LRMDA: variants seen among roughly 807,000 people sequenced by gnomAD.
LRMDA encodes leucine-rich melanocyte differentiation-associated protein.
In LRMDA, 18 loss-of-function variants were observed where a neutral mutation model predicts 29.8. That is an observed-to-expected ratio of 0.60 (90% CI 0.42 to 0.90). The LOEUF (loss-of-function observed/expected upper bound fraction) is 0.90. Among genes scored for constraint, LRMDA ranks in the 40% least tolerant of loss-of-function variants. The pLI, the probability that LRMDA is intolerant of heterozygous loss-of-function variation, is 0.00. For missense variants in LRMDA, 273 were observed against 273.9 expected (o/e 1.00, Z 0.02); for synonymous variants, 125 against 109.4 (o/e 1.14, Z -0.89).
intron 6 of LRMDA, among the ~76,000 whole-genome samples, chr10:76,408,224 A>G (rs1300614109): frequency 6.6e-6 from 1 of 152,176 alleles, no homozygotes; most frequent in Non-Finnish European, 1.5e-5. Flanking sequence ...GGATGAGGAC[A>G]CCAGCGCACA....
chr10:75,669,676 T>C (rs1418691493), intron 2 of LRMDA, among the ~76,000 whole-genome samples: 1 of 152,244 alleles, frequency 6.6e-6, no homozygotes, highest in Non-Finnish European at 1.5e-5. Context: ...AACAAAAGCA[T>C]TGCTATCTCT....
chr10:76,152,334 G>A lies in LRMDA; in HGVS notation c.516+93551G>A, dbSNP rs1165498886. The stretch of plus-strand genomic sequence containing the variant: ...AGTGTTTTCAAGGATGATTCTTATT[G>A]TATCATAAATCAGAACTTCCTTTCC... On this transcript the variant is annotated intron_variant, in intron 5 of 6. Coordinates refer to ENST00000611255, the MANE Select transcript of LRMDA (RefSeq NM_001305581.2). Among the ~76,000 whole-genome samples the A allele has an allele frequency of 1.3e-5, 2 of 152,054 alleles. 1 individual carries two copies. Among genetic ancestry groups the A allele is most frequent in the Admixed American group, 1.3e-4 (2 of 15,266 alleles).
intron 5 of LRMDA, among the ~76,000 whole-genome samples, chr10:76,187,939 G>A (rs1055562011): frequency 1.3e-5 from 2 of 152,052 alleles, no homozygotes; most frequent in Non-Finnish European, 2.9e-5. Context: ...TAGTTCCCAG[G>A]CACCTAGGCT....
intron 6 of LRMDA, among the ~76,000 whole-genome samples, chr10:76,504,667 C>A (rs929556136): frequency 2.6e-5 from 4 of 151,922 alleles, no homozygotes; most frequent in Admixed American, 2.6e-4. Context: ...CACGGTAGAT[C>A]CTGCTACTTT....
At chr10:76,116,924 G>A (rs1206128133) in intron 5 of LRMDA, among the ~76,000 whole-genome samples, 7 of 152,052 alleles carry the variant, frequency 4.6e-5, no homozygotes, top group Non-Finnish European at 1.0e-4. Context: ...ATTTTCCAGG[G>A]CTCTCTTGGG....
At chr10:76,259,709 G>A (rs1293348016) in intron 5 of LRMDA, among the ~76,000 whole-genome samples, 7 of 152,076 alleles carry the variant, frequency 4.6e-5, no homozygotes, top group Admixed American at 1.3e-4. Context: ...TCTCCCTTTA[G>A]ATCTAATAAT....
At chr10:75,482,083 G>T (rs2132053654) in intron 2 of LRMDA, among the ~76,000 whole-genome samples, 1 of 152,202 alleles carries the variant, frequency 6.6e-6, no homozygotes, top group South Asian at 2.1e-4. Flanking sequence ...CCCTGTATCT[G>T]TGCCCTTTGC....
At chr10:76,269,315 A>G (rs1840040449) in intron 5 of LRMDA, among the ~76,000 whole-genome samples, 1 of 152,046 alleles carries the variant, frequency 6.6e-6, no homozygotes, top group South Asian at 2.1e-4. Flanking sequence ...CTCATCCACC[A>G]CCTAATACTG....
intron 2 of LRMDA, among the ~76,000 whole-genome samples, chr10:75,505,069 G>A (rs533622957): frequency 2.0e-5 from 3 of 152,036 alleles, no homozygotes; most frequent in Non-Finnish European, 4.4e-5. Context: ...AGAGGAAGGA[G>A]TCCAGGATCA....
At chr10:76,290,198 C>T (rs1230377244) in intron 5 of LRMDA, among the ~76,000 whole-genome samples, 1 of 152,060 alleles carries the variant, frequency 6.6e-6, no homozygotes, top group Non-Finnish European at 1.5e-5. Context: ...CTTTAATGGG[C>T]CTTATCCTTC....
intron 3 of LRMDA, among the ~76,000 whole-genome samples, chr10:76,040,570 TTCTCTCTC>T (rs145651283): frequency 6.9e-6 from 1 of 145,720 alleles, no homozygotes; most frequent in South Asian, 2.2e-4. Flanking sequence ...CTCACACTCT[TTCTCTCTC>T]TCTCTCTCTC....
rs142464776 is a variant in LRMDA at position 76,193,098 on chromosome 10, TTTAG to T, written c.517-131298_517-131295del. ...GGACTAAGGCTAGGTTGCATAAATA[TTTAG>T]TTAGAGATATGAGCGTGTTTCTTGA... On this transcript the variant is annotated intron_variant, in intron 5 of 6. Transcript: ENST00000611255. Among the ~76,000 whole-genome samples, 222 of 152,270 alleles carry T rather than the reference TTTAG, an allele frequency of 1.5e-3. 5 individuals carry two copies. In the East Asian group the frequency reaches 0.039, roughly 27 times the overall value.
In LRMDA at chr10:75,438,401, A is replaced by G; in HGVS notation, c.38A>G (p.Tyr13Cys). 2 of 1,550,788 alleles carry G rather than the reference A, an allele frequency of 1.3e-6. No homozygotes were observed. Among genetic ancestry groups the G allele is most frequent in the East Asian group, 4.9e-5 (2 of 40,920 alleles). Residue 13 changes from tyrosine to cysteine, a missense_variant, in exon 2 of 7, where the codon TAC (tyrosine) becomes TGC (cysteine). Transcript: ENST00000611255. The stretch of plus-strand genomic sequence containing the variant: ...GTTCCATTTAATTTCCAGGTGTCCT[A>G]CATAGGCCAGGACTGCAGAGAAATT... ...GLVVRGTQVS[Y>C]IGQDCREIPE...
At chr10:76,210,905 T>C (rs923732366) in intron 5 of LRMDA, among the ~76,000 whole-genome samples, 1 of 152,212 alleles carries the variant, frequency 6.6e-6, no homozygotes, top group Non-Finnish European at 1.5e-5. Flanking sequence ...AATTTATTTA[T>C]TGGATGTCTA....
At chr10:75,564,871 G>T (rs1798479529) in intron 2 of LRMDA, among the ~76,000 whole-genome samples, 1 of 152,106 alleles carries the variant, frequency 6.6e-6, no homozygotes, top group Non-Finnish European at 1.5e-5. Flanking sequence ...GATCTGTAAG[G>T]GATTCACCAG....
chr10:76,212,260 C>T (rs1589378290), intron 5 of LRMDA, among the ~76,000 whole-genome samples: 1 of 145,970 alleles, frequency 6.9e-6, no homozygotes, highest in African/African-American at 2.7e-5. Context: ...CACACACACA[C>T]ACACACATAA....
chr10:76,262,928 C>T (rs184312650), intron 5 of LRMDA, among the ~76,000 whole-genome samples: 1 of 152,316 alleles, frequency 6.6e-6, no homozygotes, highest in East Asian at 1.9e-4. Context: ...CCTTGCTAAC[C>T]ATTTTCTTTA....
At chr10:76,389,863 T>C (rs568467690) in intron 6 of LRMDA, among the ~76,000 whole-genome samples, 237 of 152,320 alleles carry the variant, frequency 1.6e-3, no homozygotes, top group African/African-American at 5.2e-3. Flanking sequence ...TTTTGTTTAT[T>C]CATTCATCTT....
intron 2 of LRMDA, among the ~76,000 whole-genome samples, chr10:75,806,573 C>A (rs925254954): frequency 8.6e-5 from 13 of 151,684 alleles, no homozygotes; most frequent in Non-Finnish European, 1.3e-4. Flanking sequence ...GTTAATGCAA[C>A]AGTACCACCA....
Sources: allele counts gnomAD v4.1 joint callset (sites outside exome capture counted in the v4.1 genomes callset), GRCh38; gene constraint gnomAD v4.1.1; transcripts MANE v1.5; gene names NCBI Gene and HGNC (gene_info 2026-07-23, HGNC 2026-07-21).